FHOD3: variants seen among roughly 807,000 people sequenced by gnomAD.
The protein encoded by FHOD3 is formin homology 2 domain containing 3.
A neutral mutation model predicts 173.0 loss-of-function variants in FHOD3; 90 were observed. The ratio of observed to expected loss-of-function variants is 0.52; its 90% CI spans 0.44 to 0.62. The LOEUF (loss-of-function observed/expected upper bound fraction) is 0.62. Among genes scored for constraint, FHOD3 ranks in the 20% least tolerant of loss-of-function variants. FHOD3 has a pLI of 0.00. For missense variants in FHOD3, 1,945 were observed against 2,034.7 expected, an observed-to-expected ratio of 0.96 and a Z score of 0.85; for synonymous variants, 828 against 823.0, an observed-to-expected ratio of 1.01 and a Z score of -0.10.
intron 3 of FHOD3, among the ~76,000 whole-genome samples, chr18:36,468,616 G>T (rs2053093154): frequency 6.6e-6 from 1 of 152,182 alleles, no homozygotes; most frequent in Non-Finnish European, 1.5e-5. Flanking sequence ...GGATTTTAGT[G>T]ATCCTGGCTT....
intron 3 of FHOD3, among the ~76,000 whole-genome samples, chr18:36,451,089 T>G (rs1274134686): frequency 6.6e-6 from 1 of 152,248 alleles, no homozygotes; most frequent in African/African-American, 2.4e-5. Flanking sequence ...ATATTTGCAT[T>G]GTTAATTTTC....
At chr18:36,718,878 G>A (rs778900687) in intron 19 of FHOD3, among the ~76,000 whole-genome samples, 163 bp downstream of exon 19, 4 of 152,170 alleles carry the variant, frequency 2.6e-5, no homozygotes, top group Non-Finnish European at 5.9e-5. Flanking sequence ...CACATGCTAG[G>A]TGTAGGCTAC....
At chr18:36,722,269 C>G (rs528980071) in intron 19 of FHOD3, among the ~76,000 whole-genome samples, 3 of 152,292 alleles carry the variant, frequency 2.0e-5, no homozygotes, top group African/African-American at 7.2e-5. Context: ...CCTGAGACTT[C>G]CTTGGGCTTG....
intron 5 of FHOD3, among the ~76,000 whole-genome samples, chr18:36,551,532 G>T (rs1467637884): frequency 6.6e-6 from 1 of 151,966 alleles, no homozygotes; most frequent in East Asian, 1.9e-4. Context: ...TTTGGCTTTT[G>T]TTGCCGTTGC....
chr18:36,656,106 GC>G (rs1274321223), intron 13 of FHOD3, among the ~76,000 whole-genome samples: 1 of 152,206 alleles, frequency 6.6e-6, no homozygotes, highest in African/African-American at 2.4e-5. Context: ...CACGGAGAGT[GC>G]TAGGTGTCGT....
At chr18:36,578,496 T>C (rs149473332) in intron 6 of FHOD3, among the ~76,000 whole-genome samples, 66 of 152,198 alleles carry the variant, frequency 4.3e-4, no homozygotes, top group East Asian at 2.1e-3. Flanking sequence ...CCAAACCATA[T>C]CACATGTGGT....
Position 36,386,387 on chromosome 18 carries a change from C to T in FHOD3, c.337+13643C>T, listed in dbSNP as rs564630216. The stretch of plus-strand genomic sequence containing the variant: ...CCGGGCACTCCTCTTTACCAGGTAG[C>T]GGCTCAGGGGCCTCAGAGGCTGCTG... On this transcript the variant is annotated intron_variant, in intron 3 of 28. Transcript: ENST00000590592. 2.8e-4 allele frequency among the ~76,000 whole-genome samples: 43 copies of T among 152,274 alleles called. 2 individuals are homozygous for T. The South Asian group carries it at 8.5e-3, about 30-fold the overall frequency.
At chr18:36,582,014 A>G (rs2148112055) in intron 6 of FHOD3, among the ~76,000 whole-genome samples, 1 of 152,330 alleles carries the variant, frequency 6.6e-6, no homozygotes, top group Middle Eastern at 3.4e-3. Context: ...GGATATAGGA[A>G]AATAAAAGGA....
chr18:36,532,562 T>A (rs1258431039), intron 5 of FHOD3, among the ~76,000 whole-genome samples: 1 of 152,188 alleles, frequency 6.6e-6, no homozygotes, highest in Admixed American at 6.5e-5. Context: ...TTTCTGAGTC[T>A]CCTGTCTACT....
chr18:36,744,903 A>G (rs1249087313), intron 23 of FHOD3, among the ~76,000 whole-genome samples: 1 of 152,156 alleles, frequency 6.6e-6, no homozygotes, highest in African/African-American at 2.4e-5. Context: ...AGCACAGGAA[A>G]CTCGCTAGGG....
chr18:36,669,277 A>T (rs1190766822), intron 14 of FHOD3, among the ~76,000 whole-genome samples: 2 of 151,370 alleles, frequency 1.3e-5, no homozygotes, highest in African/African-American at 4.8e-5. Flanking sequence ...CCTCAGCTTT[A>T]AAAAAAATAG....
intron 1 of FHOD3, among the ~76,000 whole-genome samples, chr18:36,312,760 G>T (rs938329852): frequency 1.3e-5 from 2 of 152,218 alleles, no homozygotes; most frequent in Non-Finnish European, 2.9e-5. Flanking sequence ...GTCACATGGG[G>T]ATTGCTCAGA....
chr18:36,537,343 AC>A (rs1342577626), intron 5 of FHOD3, among the ~76,000 whole-genome samples: 1 of 152,066 alleles, frequency 6.6e-6, no homozygotes, highest in Non-Finnish European at 1.5e-5. Flanking sequence ...ATTTTCTACT[AC>A]CATTTTTAGT....
At chr18:36,691,459 T>G (rs887667868) in intron 16 of FHOD3, among the ~76,000 whole-genome samples, 2 of 152,374 alleles carry the variant, frequency 1.3e-5, no homozygotes, top group Admixed American at 1.3e-4. Flanking sequence ...CACCATCCCA[T>G]TTAACACATA....
chr18:36,355,983 G>A (rs1004622130), intron 2 of FHOD3, among the ~76,000 whole-genome samples: 2 of 152,230 alleles, frequency 1.3e-5, no homozygotes, highest in African/African-American at 4.8e-5. Context: ...TGTAGTCCCA[G>A]CTACTCGGGA....
intron 14 of FHOD3, among the ~76,000 whole-genome samples, chr18:36,660,454 C>T (rs1419124917): frequency 6.6e-6 from 1 of 152,172 alleles, no homozygotes; most frequent in Non-Finnish European, 1.5e-5. Flanking sequence ...GCTGCAGGAA[C>T]AAGGGCTGCC....
chr18:36,340,003 C>A (rs2045532043), intron 1 of FHOD3, among the ~76,000 whole-genome samples: 1 of 152,202 alleles, frequency 6.6e-6, no homozygotes, highest in Admixed American at 6.5e-5. Flanking sequence ...ACCCCTTCCC[C>A]TAGGTTTTTG....
At chr18:36,511,783 C>G (rs184197723) in intron 4 of FHOD3, among the ~76,000 whole-genome samples, 26 of 152,278 alleles carry the variant, frequency 1.7e-4, no homozygotes, top group Admixed American at 4.6e-4. Context: ...TGAGATGACC[C>G]CTGAAGTTTC....
intron 3 of FHOD3, among the ~76,000 whole-genome samples, chr18:36,455,203 T>C: frequency 6.6e-6 from 1 of 152,218 alleles, no homozygotes; most frequent in Non-Finnish European, 1.5e-5. Context: ...ATACTTACAG[T>C]AATTACTCCA....
Sources: allele counts gnomAD v4.1 joint callset (sites outside exome capture counted in the v4.1 genomes callset), GRCh38; gene constraint gnomAD v4.1.1; transcripts MANE v1.5; gene names NCBI Gene and HGNC (gene_info 2026-07-23, HGNC 2026-07-21).